Variants in PIP4P1 observed in about 807,000 individuals in gnomAD.
PIP4P1 encodes type 1 phosphatidylinositol 4,5-bisphosphate 4-phosphatase.
PIP4P1 carries 14 observed loss-of-function variants against 32.3 expected under a neutral mutation model. That is an observed-to-expected ratio of 0.43 (90% confidence interval 0.29 to 0.68). The LOEUF (loss-of-function observed/expected upper bound fraction) is 0.68. PIP4P1 is among the 30% of genes least tolerant of loss of function. PIP4P1 has a pLI of 0.15. For synonymous variants in PIP4P1, 132 were observed against 137.9 expected (o/e 0.96, Z 0.30); for missense variants, 289 against 364.5 (o/e 0.79, Z 1.69).
In PIP4P1 at chr14:20,458,274, C is replaced by T; in HGVS notation, c.*285G>A. On this transcript the variant is annotated 3_prime_UTR_variant, in exon 7 of 7. Transcript: ENST00000250489. ...GCTCTCAGGGAGCACACAGGAAGGA[C>T]AAGGCTGGAACCGTCTTCAGGGCCC... is the stretch of plus-strand genomic sequence containing the variant. 1 of 580,026 alleles carries T rather than the reference C, an allele frequency of 1.7e-6. No homozygotes were observed. Among genetic ancestry groups the T allele is most frequent in the South Asian group, 1.5e-5 (1 of 65,642 alleles). The allele number at this position is 580,026 out of a possible 1,614,324, so 35.9% of individuals were successfully genotyped here.
chr14:20,459,325 T>A, intron 5 of PIP4P1, 29 bp from the exon 6 acceptor site: 2 of 1,614,202 alleles, frequency 1.2e-6, no homozygotes, highest in African/African-American at 2.7e-5. Context: ...AAATGGATGC[T>A]TTCTATGGCC....
Position 20,459,409 on chromosome 14 carries a change from C to T in PIP4P1, c.578G>A (p.Arg193His), listed in dbSNP as rs2139316321. 4 of 1,614,192 alleles carry T rather than the reference C, an allele frequency of 2.5e-6. No individual in the cohort carries two copies. Among genetic ancestry groups the T allele is most frequent in the Non-Finnish European group, 3.4e-6 (4 of 1,180,044 alleles). Residue 193 changes from arginine (R) to histidine (H), a missense_variant, in exon 5 of 7, where the codon CGT becomes CAT. This residue lies in a region of PIP4P1 where 181 missense variants were observed against 263.3 expected (regional missense o/e 0.69). Coordinates refer to ENST00000250489, the MANE Select transcript of PIP4P1 (RefSeq NM_144568.4). ...TTACACTTTCCTGCAGTGAGGACAA[C>T]GTGCCAAAGTGCGGTCTGTGAACTC... The part of the protein sequence containing the change: ...WTEFTDRTLA[R>H]CPHCRKVSSI...
At position 20,457,719 on chromosome 14, in the gene PIP4P1, A is replaced by G. The variant is rs1338690446; in HGVS notation, c.*840T>C. 4.6e-6 allele frequency: 3 copies of G among 650,798 alleles called. No homozygotes were observed. Among genetic ancestry groups the G allele is most frequent in the Non-Finnish European group, 5.2e-6 (2 of 385,854 alleles). 40.3% of individuals were successfully genotyped at this position (650,798 alleles called of 1,614,324 possible). On this transcript the variant is annotated 3_prime_UTR_variant, in exon 7 of 7. Coordinates refer to ENST00000250489, the MANE Select transcript of PIP4P1 (RefSeq NM_144568.4). ...AAAAAAAAATTGAACAAAGACTACT[A>G]ATGACTTTGTTTGAATTATCCACAT...
intron 6 of PIP4P1, 91 bp from the exon 7 acceptor site, chr14:20,458,793 A>C: frequency 5.4e-6 from 8 of 1,486,800 alleles, no homozygotes; most frequent in Non-Finnish European, 7.2e-6. Flanking sequence ...GTAATAACTC[A>C]CGCTTCAGTC....
Position 20,457,955 on chromosome 14 carries a change from G to T in PIP4P1, c.*604C>A, listed in dbSNP as rs537226209. On this transcript the variant is annotated 3_prime_UTR_variant, in exon 7 of 7. Coordinates refer to ENST00000250489, the MANE Select transcript of PIP4P1 (RefSeq NM_144568.4). The stretch of plus-strand genomic sequence containing the variant: ...CCCAGCCCAGTTAAATACTGCAACT[G>T]GGGGGGTAAAAAAGGTCGGGAGGAG... 6.5e-6 allele frequency: 2 copies of T among 308,938 alleles called. No homozygotes were observed. Among genetic ancestry groups the T allele is most frequent in the Non-Finnish European group, 1.3e-5 (2 of 159,854 alleles). The allele number at this position is 308,938 out of a possible 1,614,324, so 19.1% of individuals were successfully genotyped here. A position where few individuals can be genotyped will look rare whatever the true frequency, so the allele number is the denominator to read the frequency against.
At position 20,459,662 on chromosome 14, in the gene PIP4P1, C is replaced by G. The variant is rs1046625036; in HGVS notation, c.512G>C (p.Arg171Thr). The G allele has an allele frequency of 6.2e-7, 1 of 1,614,168 alleles. No homozygotes were observed. Among genetic ancestry groups the G allele is most frequent in the Non-Finnish European group, 8.5e-7 (1 of 1,180,032 alleles). ...ATTCTTGCAATGTCCACAGATAACC[C>G]TGACACCCATGGGTTGGGGTTCTGG... ...LSPEPQPMGV[R>T]VICGHCKNTF... is the part of the protein sequence containing the mutation. Residue 171 changes from arginine to threonine, a missense_variant, in exon 4 of 7, where the codon AGG becomes ACG. Arg to Thr is a moderately conservative substitution (Grantham distance 71). Coordinates refer to ENST00000250489, the MANE Select transcript of PIP4P1 (RefSeq NM_144568.4).
rs551670819 is a variant in PIP4P1 at position 20,457,859 on chromosome 14, A to G, written c.*700T>C. 5.3e-6 allele frequency: 2 copies of G among 379,236 alleles called. No homozygotes were observed. Among genetic ancestry groups the G allele is most frequent in the Admixed American group, 3.8e-5 (1 of 26,540 alleles). The allele number at this position is 379,236 out of a possible 1,614,324, so 23.5% of individuals were successfully genotyped here. On this transcript the variant is annotated 3_prime_UTR_variant, in exon 7 of 7. Coordinates refer to ENST00000250489, the MANE Select transcript of PIP4P1 (RefSeq NM_144568.4). ...CACAAGTTAACAACTGAAAAAGCGT[A>G]GAGTCATGACCTTATTTATTTACAA...
In PIP4P1 at chr14:20,457,694, A is replaced by G; in HGVS notation, c.*865T>C. 4 of 758,570 alleles carry G rather than the reference A, an allele frequency of 5.3e-6. No homozygotes were observed. The highest frequency in any genetic ancestry group is 8.3e-6 in the Non-Finnish European group (4 of 481,790). The allele number at this position is 758,570 out of a possible 1,614,324, so 47.0% of individuals were successfully genotyped here. ...TTTATTTGAGGGTTTTTTGTTTTTT[A>G]AAAAAAAATTGAACAAAGACTACTA... is the stretch of plus-strand genomic sequence containing the variant. On this transcript the variant is annotated 3_prime_UTR_variant, in exon 7 of 7. Coordinates refer to ENST00000250489, the MANE Select transcript of PIP4P1 (RefSeq NM_144568.4).
Position 20,459,646 on chromosome 14 carries a change from A to C in PIP4P1, c.528T>G (p.His176Gln). Residue 176 changes from histidine (H) to glutamine (Q), a missense_variant, in exon 4 of 7, where the codon CAT becomes CAG. His to Gln is a conservative substitution (Grantham distance 24, BLOSUM62 0). Coordinates refer to ENST00000250489, the MANE Select transcript of PIP4P1 (RefSeq NM_144568.4). ...QPMGVRVICG[H>Q]CKNTFLWTEF... ...TCCTCACCAGAAAAGTATTCTTGCA[A>C]TGTCCACAGATAACCCTGACACCCA... The C allele has an allele frequency of 1.2e-6, 2 of 1,614,072 alleles. No individual in the cohort carries two copies. Among genetic ancestry groups the C allele is most frequent in the South Asian group, 2.2e-5 (2 of 91,078 alleles).
At position 20,458,376 on chromosome 14, in the gene PIP4P1, T is replaced by C. The variant is rs773645343; in HGVS notation, c.*183A>G. On this transcript the variant is annotated 3_prime_UTR_variant, in exon 7 of 7. Transcript: ENST00000250489. ...GAGGAAAGCAGATGGTCAGCAGTGC[T>C]CTTATCTGCCCCTCCAAACCTAAGT... 3.7e-5 allele frequency: 31 copies of C among 835,108 alleles called. No individual in the cohort carries two copies. Among genetic ancestry groups the C allele is most frequent in the Admixed American group, 2.8e-4 (14 of 50,116 alleles). 51.7% of individuals were successfully genotyped at this position (835,108 alleles called of 1,614,324 possible).
chr14:20,459,862 TAA>T, intron 3 of PIP4P1, 129 bp from the exon 4 acceptor site: 1 of 691,346 alleles, frequency 1.4e-6, no homozygotes, highest in Non-Finnish European at 2.5e-6. Flanking sequence ...TCTCTGTACT[TAA>T]GATACTCTGT....
Position 20,458,707 on chromosome 14 carries a change from T to G in PIP4P1, c.691-5A>C. Reference sequence around the variant, plus strand: ...TGCATGCTTCCATGTGCCAAACTGATGAAGATAAGGAGGGAGAAGAAAAGA... The same window carrying G: ...TGCATGCTTCCATGTGCCAAACTGAGGAAGATAAGGAGGGAGAAGAAAAGA... On this transcript the variant is annotated splice_region_variant and splice_polypyrimidine_tract_variant and intron_variant, in intron 6 of 6. Coordinates refer to ENST00000250489, the MANE Select transcript of PIP4P1 (RefSeq NM_144568.4). 1.9e-6 allele frequency: 3 copies of G among 1,610,702 alleles called. No homozygotes were observed. The highest frequency in any genetic ancestry group is 2.5e-6 in the Non-Finnish European group (3 of 1,178,588).
intron 3 of PIP4P1, 115 bp from the exon 4 acceptor site, chr14:20,459,848 G>A (rs1045057902): frequency 1.9e-5 from 14 of 754,332 alleles, no homozygotes; most frequent in African/African-American, 5.3e-5. Context: ...TAAGTCACTC[G>A]ACTTCTCTGT....
rs913374467 is a variant in PIP4P1, at chr14:20,460,528, C to T, written c.333+127G>A. On this transcript the variant is annotated intron_variant, in intron 2 of 6. Transcript: ENST00000250489. ...TCTGGGGAAATGGCTGTGTGAGACA[C>T]CTGGAACTGAAACCTGGGTATCATC... is the stretch of plus-strand genomic sequence containing the variant. 1.1e-5 allele frequency: 11 copies of T among 1,001,668 alleles called. No individual in the cohort carries two copies. The African/African-American group carries it at 1.5e-4, about 13-fold the overall frequency. 62.0% of individuals were successfully genotyped at this position (1,001,668 alleles called of 1,614,324 possible).
At position 20,460,799 on chromosome 14, in the gene PIP4P1, C is replaced by G. The variant is rs750644347; in HGVS notation, c.189G>C (p.Glu63Asp). 1.9e-6 allele frequency: 3 copies of G among 1,589,768 alleles called. No homozygotes were observed. Among genetic ancestry groups the G allele is most frequent in the Non-Finnish European group, 2.6e-6 (3 of 1,169,436 alleles). ...PEGHPAVLPGEDPPPYSPLTS... is the reference protein window; with the variant it reads ...PEGHPAVLPGDDPPPYSPLTS... ...TTAAGGGTGAATAGGGGGGTGGGTC[C>G]TCCCCAGGCAACACGGCTGGATGCC... The change falls in exon 2 of 7, where the codon GAG becomes GAC. Residue 63 changes from glutamate to aspartate, a missense_variant. Physicochemically the swap from Glu to Asp is conservative, Grantham distance 45 (BLOSUM62 2). This residue lies in a region of PIP4P1 where 108 missense variants were observed against 101.2 expected (regional missense o/e 1.07). Transcript: ENST00000250489.
Position 20,459,195 on chromosome 14 carries a change from A to G in PIP4P1, c.690+11T>C, listed in dbSNP as rs1881598120. The G allele has an allele frequency of 1.2e-6, 2 of 1,613,932 alleles. No individual in the cohort carries two copies. The highest frequency in any genetic ancestry group is 1.7e-6 in the Non-Finnish European group (2 of 1,179,928). ...CTGCAGAATGAAAGAGGTTGGGGCAAGGGTACTCACGGCAAGGCCAGTGGC... is the reference window on the plus strand; with the variant it reads ...CTGCAGAATGAAAGAGGTTGGGGCAGGGGTACTCACGGCAAGGCCAGTGGC... On this transcript the variant is annotated intron_variant, in intron 6 of 6. Coordinates refer to ENST00000250489, the MANE Select transcript of PIP4P1 (RefSeq NM_144568.4).
intron 1 of PIP4P1, 73 bp downstream of exon 1, chr14:20,461,111 T>G: frequency 7.9e-7 from 1 of 1,266,634 alleles, no homozygotes; most frequent in Non-Finnish European, 9.9e-7. Context: ...TCCCGCCCCC[T>G]CCCCGGCTTT....
At chr14:20,458,732 AAAG>A (rs1335497598) in intron 6 of PIP4P1, 30 bp from the exon 7 acceptor site, 1 of 1,599,912 alleles carries the variant, frequency 6.3e-7, no homozygotes, top group South Asian at 1.1e-5. Context: ...AGAAGAAAAG[AAAG>A]ATGGGGTTAA....
In PIP4P1 at chr14:20,460,069, C is replaced by T. The variant is rs961966089; in HGVS notation, c.440+123G>A. On this transcript the variant is annotated intron_variant, in intron 3 of 6. Transcript: ENST00000250489. ...AGCTATAACATTCCTGAGGCACATG[C>T]TTCAAAGCCTTTTCTCCTAAATAAA... is the stretch of plus-strand genomic sequence containing the variant. 1.0e-5 allele frequency: 8 copies of T among 765,348 alleles called. No individual in the cohort carries two copies. In the South Asian group the frequency reaches 1.2e-4, roughly 11 times the overall value. The allele number at this position is 765,348 out of a possible 1,614,324, so 47.4% of individuals were successfully genotyped here.
Sources: gnomAD v4.1 joint callset for allele counts on GRCh38, gnomAD v4.1.1 for gene constraint, gnomAD v4.1.1 regional missense constraint, MANE v1.5 for transcripts, NCBI Gene and HGNC (gene_info 2026-07-23, HGNC 2026-07-21) for gene names.